The following BMP2 variants were observed in gnomAD, a reference collection of about 807,000 sequenced individuals.
BMP2 encodes the protein bone morphogenetic protein 2, also known as bone morphogenetic protein 2A.
In BMP2, 2 loss-of-function variants were observed where a neutral mutation model predicts 28.8. The ratio of observed to expected loss-of-function variants is 0.07; its 90% CI spans 0.03 to 0.22. The LOEUF is 0.22. Among genes scored for constraint, BMP2 ranks in the 10% least tolerant of loss-of-function variants. The probability of loss-of-function intolerance (pLI) is 1.00; values close to 1 mark genes in which losing one functional copy is unlikely to be tolerated. For missense variants in BMP2, 437 were observed against 517.7 expected (o/e 0.84, Z 1.51); for synonymous variants, 218 against 204.3 (o/e 1.07, Z -0.57).
intron 2 of BMP2, among the ~76,000 whole-genome samples, chr20:6,773,925 C>T (rs1307493970): frequency 6.6e-6 from 1 of 152,000 alleles, no homozygotes; most frequent in Non-Finnish European, 1.5e-5. Flanking sequence ...TTAAAATCCT[C>T]GAAGCATAAC....
rs750303403 is a variant in BMP2 at position 6,770,225 on chromosome 20, C to A, written c.99C>A (p.Phe33Leu). Residue 33 changes from phenylalanine (F) to leucine (L), a missense_variant, in exon 2 of 3, where the codon TTC becomes TTA. By Grantham distance (22) the Phe-to-Leu change is conservative. Around this residue, in one of 2 missense-constraint regions of BMP2, gnomAD observed 363 missense variants for 392.8 expected, o/e 0.92. Transcript: ENST00000378827. ...TTCCGGAGCTGGGCCGCAGGAAGTT[C>A]GCGGCGGCGTCGTCGGGCCGCCCCT... is the stretch of plus-strand genomic sequence containing the variant. ...GLVPELGRRKFAAASSGRPSS... is the reference protein window; with the variant it reads ...GLVPELGRRKLAAASSGRPSS... 5.0e-6 allele frequency: 8 copies of A among 1,600,026 alleles called. No homozygotes were observed. Among genetic ancestry groups the A allele is most frequent in the African/African-American group, 2.7e-5 (2 of 74,522 alleles).
rs143134681 is a variant in BMP2, at chr20:6,769,693, TTA to T, written c.-7-425_-7-424del. Among the ~76,000 whole-genome samples, 587 of 149,736 alleles carry T rather than the reference TTA, an allele frequency of 3.9e-3. 4 individuals are homozygous for T. The highest frequency in any genetic ancestry group is 0.014 in the African/African-American group (566 of 40,560). On this transcript the variant is annotated intron_variant, in intron 1 of 2. Coordinates refer to ENST00000378827, the MANE Select transcript of BMP2 (RefSeq NM_001200.4). The stretch of plus-strand genomic sequence containing the variant: ...CCTCTAAGGAAGTCACATGCACCAT[TTA>T]TGTGTGTTTATATGCCAGACAGCGC...
intron 1 of BMP2, among the ~76,000 whole-genome samples, chr20:6,769,338 AG>A (rs1269095983): frequency 6.6e-6 from 1 of 151,790 alleles, no homozygotes; most frequent in Non-Finnish European, 1.5e-5. Flanking sequence ...GGAAAGTACT[AG>A]GAGTTTGGGG....
chr20:6,770,312 C>G lies in BMP2; in HGVS notation c.186C>G (p.Gly62=). Residue 62 remains glycine (G), a synonymous_variant, in exon 2 of 3, where the codon GGC becomes GGG. Transcript: ENST00000378827. Reference sequence around the variant, plus strand: ...AGTTGCGGCTGCTCAGCATGTTCGGCCTGAAACAGAGACCCACCCCCAGCA... The same window carrying G: ...AGTTGCGGCTGCTCAGCATGTTCGGGCTGAAACAGAGACCCACCCCCAGCA... ...EFELRLLSMF[G]LKQRPTPSRD... 6.2e-7 allele frequency: 1 copy of G among 1,613,480 alleles called. No individual in the cohort carries two copies. The highest frequency in any genetic ancestry group is 8.5e-7 in the Non-Finnish European group (1 of 1,179,936).
chr20:6,778,796 C>A lies in BMP2; in HGVS notation c.898C>A (p.Pro300Thr), dbSNP rs1455627279. 6.2e-7 allele frequency: 1 copy of A among 1,614,098 alleles called. No individual in the cohort carries two copies. The change falls in exon 3 of 3, where the codon CCT becomes ACT. Residue 300 changes from proline to threonine, a missense_variant. Physicochemically the swap from Pro to Thr is conservative, Grantham distance 38. Coordinates refer to ENST00000378827, the MANE Select transcript of BMP2 (RefSeq NM_001200.4). This position sits in a 1 kb window ranked among gnomAD's most constrained non-coding sequence, Gnocchi z 5.0. ...CCTTAAGTCCAGCTGTAAGAGACAC[C>A]CTTTGTACGTGGACTTCAGTGACGT... ...KRLKSSCKRH[P>T]LYVDFSDVGW...
rs15705 is a variant in BMP2, at chr20:6,779,333, A to T, written c.*244A>T. ...TTCCTTAAAGATTTAAAATGTATTT[A>T]GTTGTACATTTTATATGGGTTCAAC... On this transcript the variant is annotated 3_prime_UTR_variant, in exon 3 of 3. Coordinates refer to ENST00000378827, the MANE Select transcript of BMP2 (RefSeq NM_001200.4). The T allele has an allele frequency of 6.1e-6, 1 of 163,100 alleles. No individual in the cohort carries two copies. Among genetic ancestry groups the T allele is most frequent in the East Asian group, 1.7e-4 (1 of 5,956 alleles). 10.1% of individuals were successfully genotyped at this position (163,100 alleles called of 1,614,324 possible). A position where few individuals can be genotyped will look rare whatever the true frequency, so the allele number is the denominator to read the frequency against.
chr20:6,770,497 G>A (rs761824743), intron 2 of BMP2, 25 bp downstream of exon 2: 3 of 1,553,176 alleles, frequency 1.9e-6, no homozygotes, highest in East Asian at 4.5e-5. Flanking sequence ...AGGGCGTGGG[G>A]GCGGGGAGTC....
Position 6,768,289 on chromosome 20 carries a change from C to G in BMP2, c.-594C>G, listed in dbSNP as rs962520466. 2.5e-6 allele frequency: 1 copy of G among 397,936 alleles called. No homozygotes were observed. Among genetic ancestry groups the G allele is most frequent in the African/African-American group, 2.1e-5 (1 of 48,568 alleles). The allele number at this position is 397,936 out of a possible 1,614,324, so 24.7% of individuals were successfully genotyped here. On this transcript the variant is annotated 5_prime_UTR_variant, in exon 1 of 3. Coordinates refer to ENST00000378827, the MANE Select transcript of BMP2 (RefSeq NM_001200.4). Reference sequence around the variant, plus strand: ...AGTAAGGCAGAGTGATGCGGGGGGGCAACTCGCCTGGCACCGAGATCGCCG... The same window carrying G: ...AGTAAGGCAGAGTGATGCGGGGGGGGAACTCGCCTGGCACCGAGATCGCCG...
chr20:6,774,056 C>T (rs1986452191), intron 2 of BMP2, among the ~76,000 whole-genome samples: 1 of 152,202 alleles, frequency 6.6e-6, no homozygotes, highest in African/African-American at 2.4e-5. Context: ...CTTTTCTGCT[C>T]ATTTCTGTCT....
At chr20:6,773,903 C>T (rs1006170390) in intron 2 of BMP2, among the ~76,000 whole-genome samples, 3 of 151,920 alleles carry the variant, frequency 2.0e-5, no homozygotes, top group Non-Finnish European at 4.4e-5. Context: ...ATTTTTTAGC[C>T]CAAAGTGTGT....
rs1464127693 is a variant in BMP2 at position 6,770,391 on chromosome 20, C to T, written c.265C>T (p.Gln89Ter). Residue 89 changes from glutamine to a stop codon, truncating the protein, a stop_gained, in exon 2 of 3, where the codon CAG (glutamine) becomes TAG (stop). Transcript: ENST00000378827. LOFTEE classifies it high-confidence loss of function. ...AGACCTGTATCGCAGGCACTCAGGTCAGCCGGGCTCACCCGCCCCAGACCA... is the reference window on the plus strand; with the variant it reads ...AGACCTGTATCGCAGGCACTCAGGTTAGCCGGGCTCACCCGCCCCAGACCA... ...MLDLYRRHSG[Q>*]PGSPAPDHRL... 6.2e-7 allele frequency: 1 copy of T among 1,612,842 alleles called. No individual in the cohort carries two copies. Among genetic ancestry groups the T allele is most frequent in the Non-Finnish European group, 8.5e-7 (1 of 1,179,734 alleles).
At position 6,768,513 on chromosome 20, in the gene BMP2, C is replaced by G. The variant is rs1033496349; in HGVS notation, c.-370C>G. On this transcript the variant is annotated 5_prime_UTR_variant, in exon 1 of 3. Transcript: ENST00000378827. ...TCCTTTCTCCCTTCCCTTCCCTGCC[C>G]CGCACTCCTCCCCCTGCTCGCTGTT... 5.3e-5 allele frequency: 21 copies of G among 393,510 alleles called. No homozygotes were observed. Among genetic ancestry groups the G allele is most frequent in the Admixed American group, 8.9e-5 (2 of 22,522 alleles). The allele number at this position is 393,510 out of a possible 1,614,324, so 24.4% of individuals were successfully genotyped here.
rs188688099 is a variant in BMP2, at chr20:6,780,078, A to G, written c.*989A>G. On this transcript the variant is annotated 3_prime_UTR_variant, in exon 3 of 3. Transcript: ENST00000378827. Reference sequence around the variant, plus strand: ...GAGCTCTTTATTCTCCAAAGAACCCAGTTTTCTAACTTTTTGCCCAACACG... The same window carrying G: ...GAGCTCTTTATTCTCCAAAGAACCCGGTTTTCTAACTTTTTGCCCAACACG... 2 of 152,744 alleles carry G rather than the reference A, an allele frequency of 1.3e-5. No individual in the cohort carries two copies. Among genetic ancestry groups the G allele is most frequent in the Admixed American group, 1.3e-4 (2 of 15,304 alleles). The allele number at this position is 152,744 out of a possible 1,614,324, so 9.5% of individuals were successfully genotyped here.
At position 6,779,012 on chromosome 20, in the gene BMP2, C is replaced by T. The variant is rs752765148; in HGVS notation, c.1114C>T (p.Leu372=). Residue 372 remains leucine (L), a synonymous_variant, in exon 3 of 3, where the codon CTG becomes TTG. Coordinates refer to ENST00000378827, the MANE Select transcript of BMP2 (RefSeq NM_001200.4). ...GACAGAACTCAGTGCTATCTCGATG[C>T]TGTACCTTGACGAGAATGAAAAGGT... ...VPTELSAISM[L]YLDENEKVVL... The T allele has an allele frequency of 5.0e-6, 8 of 1,613,734 alleles. No homozygotes were observed. The highest frequency in any genetic ancestry group is 2.2e-5 in the South Asian group (2 of 91,076).
Position 6,770,153 on chromosome 20 carries a change from A to G in BMP2, c.27A>G (p.Leu9=). The G allele has an allele frequency of 6.4e-7, 1 of 1,564,774 alleles. No individual in the cohort carries two copies. Among genetic ancestry groups the G allele is most frequent in the Non-Finnish European group, 8.7e-7 (1 of 1,155,706 alleles). The change falls in exon 2 of 3, where the codon CTA becomes CTG. Residue 9 remains leucine (L), a synonymous_variant. Transcript: ENST00000378827. ...TGGTGGCCGGGACCCGCTGTCTTCT[A>G]GCGTTGCTGCTTCCCCAGGTCCTCC... MVAGTRCL[L]ALLLPQVLLG...
At position 6,778,343 on chromosome 20, in the gene BMP2, G is replaced by A; in HGVS notation, c.445G>A (p.Glu149Lys). The part of the protein sequence containing the change: ...IPTEEFITSA[E>K]LQVFREQMQD... ...CACGGAGGAGTTTATCACCTCAGCA[G>A]AGCTTCAGGTTTTCCGAGAACAGAT... Residue 149 changes from glutamate to lysine, a missense_variant, in exon 3 of 3, where the codon GAG becomes AAG. Transcript: ENST00000378827. The surrounding 1 kb of genome is among the most constrained non-coding windows in gnomAD (Gnocchi z 5.0). The A allele has an allele frequency of 6.2e-7, 1 of 1,614,204 alleles. No individual in the cohort carries two copies. Among genetic ancestry groups the A allele is most frequent in the Non-Finnish European group, 8.5e-7 (1 of 1,180,040 alleles).
chr20:6,768,966 C>A, intron 1 of BMP2, 91 bp downstream of exon 1: 1 of 397,866 alleles, frequency 2.5e-6, no homozygotes, highest in Non-Finnish European at 4.4e-6. Context: ...TACGTCCAGG[C>A]CAGAAGTAAA....
In BMP2 at chr20:6,778,632, G is replaced by C; in HGVS notation, c.734G>C (p.Arg245Thr). Reference protein sequence around the residue: ...EKQGVSKRHVRISRSLHQDEH... With the variant: ...EKQGVSKRHVTISRSLHQDEH... Reference sequence around the variant, plus strand: ...CAAGGTGTCTCCAAGAGACATGTTAGGATAAGCAGGTCTTTGCACCAAGAT... The same window carrying C: ...CAAGGTGTCTCCAAGAGACATGTTACGATAAGCAGGTCTTTGCACCAAGAT... The change falls in exon 3 of 3, where the codon AGG (arginine) becomes ACG (threonine). Residue 245 changes from arginine (R) to threonine (T), a missense_variant. By Grantham distance (71) the Arg-to-Thr change is moderately conservative. Transcript: ENST00000378827. This position sits in a 1 kb window ranked among gnomAD's most constrained non-coding sequence, Gnocchi z 5.0. 2.5e-6 allele frequency: 4 copies of C among 1,614,000 alleles called. No individual in the cohort carries two copies. Among genetic ancestry groups the C allele is most frequent in the Non-Finnish European group, 3.4e-6 (4 of 1,179,956 alleles).
At chr20:6,775,170 A>G (rs192410562) in intron 2 of BMP2, among the ~76,000 whole-genome samples, 1 of 152,322 alleles carries the variant, frequency 6.6e-6, no homozygotes, top group East Asian at 1.9e-4. Flanking sequence ...TTGAGGATCC[A>G]TATATTTTTG....
Sources: allele counts gnomAD v4.1 joint callset (sites outside exome capture counted in the v4.1 genomes callset), GRCh38; gene constraint gnomAD v4.1.1; regional missense constraint gnomAD v4.1.1; non-coding constraint Gnocchi (gnomAD v3.1); transcripts MANE v1.5; gene names NCBI Gene and HGNC (gene_info 2026-07-23, HGNC 2026-07-21).